The following EPB41L4A variants were observed in gnomAD, a reference collection of about 807,000 sequenced individuals.
EPB41L4A encodes the protein erythrocyte membrane protein band 4.1 like 4A.
EPB41L4A carries 100 observed loss-of-function variants against 108.6 expected under a neutral mutation model. That is an observed-to-expected ratio of 0.92 (90% confidence interval 0.78 to 1.09). The LOEUF is 1.09. EPB41L4A is among the 50% of genes least tolerant of loss of function. The pLI is 0.00. For synonymous variants in EPB41L4A, 319 were observed against 289.0 expected (o/e 1.10, Z -1.05); for missense variants, 1,030 against 842.7 (o/e 1.22, Z -2.75).
At chr5:112,321,558 TAC>T (rs756054778) in intron 1 of EPB41L4A, among the ~76,000 whole-genome samples, 9 of 152,218 alleles carry the variant, frequency 5.9e-5, no homozygotes, top group Non-Finnish European at 1.3e-4. Flanking sequence ...CATAGCTTAT[TAC>T]CATGGCAGTT....
intron 12 of EPB41L4A, among the ~76,000 whole-genome samples, chr5:112,216,784 T>G (rs1252199963): frequency 1.3e-5 from 2 of 152,206 alleles, no homozygotes; most frequent in Admixed American, 1.3e-4. Context: ...GAAAATATAT[T>G]TTAGCTCTAT....
At chr5:112,296,293 T>TA (rs1280052143) in intron 2 of EPB41L4A, among the ~76,000 whole-genome samples, 7 of 151,836 alleles carry the variant, frequency 4.6e-5, no homozygotes, top group Admixed American at 6.6e-5. Flanking sequence ...TGCCTCTAAA[T>TA]AAAAAAAAGC....
At chr5:112,258,913 C>T (rs7713405) in intron 9 of EPB41L4A, among the ~76,000 whole-genome samples, 45,153 of 152,042 alleles carry the variant, frequency 0.3, 6,807 homozygotes, top group African/African-American at 0.33. Flanking sequence ...CTGATTATAA[C>T]TCCTACCTTC....
At position 112,262,580 on chromosome 5, in the gene EPB41L4A, C is replaced by G; in HGVS notation, c.556G>C (p.Gly186Arg). 1 of 1,613,432 alleles carries G rather than the reference C, an allele frequency of 6.2e-7. No homozygotes were observed. Reference sequence around the variant, plus strand: ...AGCTCAGCCTCAGAAGGAATCTGACCCCTACACCCAGCACAAAAACAAAGA... The same window carrying G: ...AGCTCAGCCTCAGAAGGAATCTGACGCCTACACCCAGCACAAAAACAAAGA... ...AIERIHKTLM[G>R]QIPSEAELNY... The change falls in exon 7 of 23, where the codon GGT becomes CGT. Residue 186 changes from glycine to arginine, a missense_variant and splice_region_variant. Transcript: ENST00000261486.
intron 1 of EPB41L4A, among the ~76,000 whole-genome samples, chr5:112,369,171 C>G (rs1398155371): frequency 6.6e-6 from 1 of 152,208 alleles, no homozygotes; most frequent in Non-Finnish European, 1.5e-5. Flanking sequence ...ATCCCCCTTT[C>G]TCATTTCCAA....
At chr5:112,171,190 G>A (rs1760562566) in intron 18 of EPB41L4A, among the ~76,000 whole-genome samples, 198 bp from the exon 19 acceptor site, 1 of 152,158 alleles carries the variant, frequency 6.6e-6, no homozygotes. Context: ...GCCGCTGAAG[G>A]AAAATCATAA....
chr5:112,384,330 A>G (rs1393563030), intron 1 of EPB41L4A, among the ~76,000 whole-genome samples: 1 of 152,226 alleles, frequency 6.6e-6, no homozygotes, highest in African/African-American at 2.4e-5. Flanking sequence ...TTTAACTTAA[A>G]AACATTAAGA....
At chr5:112,286,413 G>A (rs1415682861) in intron 2 of EPB41L4A, among the ~76,000 whole-genome samples, 2 of 152,134 alleles carry the variant, frequency 1.3e-5, no homozygotes, top group East Asian at 1.9e-4. Flanking sequence ...GTATCACGCA[G>A]AATCCTACAT....
rs534878020 is a variant in EPB41L4A at position 112,278,035 on chromosome 5, T to C, written c.256+2237A>G. On this transcript the variant is annotated intron_variant, in intron 3 of 22. Coordinates refer to ENST00000261486, the MANE Select transcript of EPB41L4A (RefSeq NM_022140.5). ...AGGTCTTTGATAAGGAGTTTCTCAT[T>C]AACTCAAGGAGAAATAAATCAAGAT... Among the ~76,000 whole-genome samples the C allele has an allele frequency of 4.6e-5, 7 of 152,288 alleles. No homozygotes were observed. In the East Asian group the frequency reaches 1.3e-3, roughly 29 times the overall value.
At chr5:112,239,459 C>T (rs1332424465) in intron 11 of EPB41L4A, 1 of 387,090 alleles carries the variant, frequency 2.6e-6, no homozygotes, top group African/African-American at 2.1e-5. Flanking sequence ...CACAACATAG[C>T]TAATGCAGAC....
At chr5:112,196,402 TAAA>T (rs1396413984) in intron 15 of EPB41L4A, among the ~76,000 whole-genome samples, 2 of 152,222 alleles carry the variant, frequency 1.3e-5, no homozygotes. Context: ...TTAATACATT[TAAA>T]ATGCATACAC....
chr5:112,275,665 T>C (rs1349240889), intron 3 of EPB41L4A, among the ~76,000 whole-genome samples: 1 of 152,180 alleles, frequency 6.6e-6, no homozygotes, highest in Admixed American at 6.5e-5. Context: ...ATTTTTATTA[T>C]ATATGTTTTT....
Position 112,204,373 on chromosome 5 carries a change from A to G in EPB41L4A, c.1376+2T>C. On this transcript the variant is annotated splice_donor_variant, in intron 15 of 22. Transcript: ENST00000261486. LOFTEE classifies it high-confidence loss of function. ...CTAACAGAGAGATTGTGTTCCGCTT[A>G]CCTCCTCCTCACAGGCTGTACAGAA... 1 of 1,600,270 alleles carries G rather than the reference A, an allele frequency of 6.2e-7. No homozygotes were observed. The highest frequency in any genetic ancestry group is 8.6e-7 in the Non-Finnish European group (1 of 1,167,594).
chr5:112,202,978 G>A (rs116283155), intron 15 of EPB41L4A, among the ~76,000 whole-genome samples: 4,915 of 152,146 alleles, frequency 0.032, 299 homozygotes, highest in African/African-American at 0.11. Context: ...TGAGGTGGGA[G>A]GACTGCTTGA....
chr5:112,237,661 A>G (rs909133156), intron 11 of EPB41L4A, among the ~76,000 whole-genome samples: 2 of 152,192 alleles, frequency 1.3e-5, no homozygotes, highest in Non-Finnish European at 2.9e-5. Flanking sequence ...TGTCTCCGGA[A>G]TGTCTCAAGA....
At chr5:112,329,750 G>T (rs1756428578) in intron 1 of EPB41L4A, among the ~76,000 whole-genome samples, 1 of 152,062 alleles carries the variant, frequency 6.6e-6, no homozygotes. Flanking sequence ...AAGGGGGTGT[G>T]AATGGATCTG....
At chr5:112,362,800 T>C (rs1050750096) in intron 1 of EPB41L4A, among the ~76,000 whole-genome samples, 1 of 152,172 alleles carries the variant, frequency 6.6e-6, no homozygotes, top group Admixed American at 6.5e-5. Flanking sequence ...ATTTTTTAAA[T>C]AAATGCAATA....
chr5:112,190,914 G>A (rs569058018), intron 17 of EPB41L4A, among the ~76,000 whole-genome samples: 223 of 152,178 alleles, frequency 1.5e-3, no homozygotes, highest in African/African-American at 5.2e-3. Context: ...GGAAGCCCAG[G>A]AAACAGAAAG....
At chr5:112,292,530 T>A (rs920812279) in intron 2 of EPB41L4A, among the ~76,000 whole-genome samples, 6 of 152,166 alleles carry the variant, frequency 3.9e-5, no homozygotes, top group Admixed American at 2.6e-4. Flanking sequence ...CTGCACAGCT[T>A]TTTAACAATT....
Sources: allele counts gnomAD v4.1 joint callset (sites outside exome capture counted in the v4.1 genomes callset), GRCh38; gene constraint gnomAD v4.1.1; transcripts MANE v1.5; gene names NCBI Gene and HGNC (gene_info 2026-07-23, HGNC 2026-07-21).